The following MEIS2 variants were observed in gnomAD, a reference collection of about 807,000 sequenced individuals.
The protein encoded by MEIS2 is Meis homeobox 2.
In MEIS2, 9 loss-of-function variants were observed where a neutral mutation model predicts 58.6. That is an observed-to-expected ratio of 0.15 (90% CI 0.09 to 0.27). The LOEUF (loss-of-function observed/expected upper bound fraction) is 0.27, where lower values mean the gene tolerates loss of function less well. MEIS2 is among the 10% of genes least tolerant of loss of function. The probability of loss-of-function intolerance (pLI) is 1.00; values close to 1 mark genes in which losing one functional copy is unlikely to be tolerated. For synonymous variants in MEIS2, 221 were observed against 228.4 expected (o/e 0.97, Z 0.29); for missense variants, 427 against 635.0 (o/e 0.67, Z 3.52).
intron 9 of MEIS2, among the ~76,000 whole-genome samples, chr15:36,945,416 G>A (rs112591737): frequency 6.4e-4 from 98 of 152,048 alleles, no homozygotes; most frequent in African/African-American, 2.2e-3. Context: ...CCTACAACAT[G>A]TTTTCACACA....
At chr15:36,975,645 G>A (rs1486760288) in intron 8 of MEIS2, among the ~76,000 whole-genome samples, 1 of 151,964 alleles carries the variant, frequency 6.6e-6, no homozygotes, top group East Asian at 1.9e-4. Context: ...CGAGGTTTTG[G>A]TTTTTGTTTT....
At chr15:37,019,236 G>A (rs983604238) in intron 8 of MEIS2, among the ~76,000 whole-genome samples, 9 of 152,168 alleles carry the variant, frequency 5.9e-5, no homozygotes, top group Non-Finnish European at 1.5e-5. Context: ...GTAGCCTCCT[G>A]TGAATCAAAC....
At chr15:36,971,752 C>T (rs951204590) in intron 8 of MEIS2, among the ~76,000 whole-genome samples, 1 of 151,914 alleles carries the variant, frequency 6.6e-6, no homozygotes, top group East Asian at 1.9e-4. Flanking sequence ...TCAATATTTC[C>T]TTAACAGCCT....
At position 36,937,272 on chromosome 15, in the gene MEIS2, T is replaced by A. The variant is rs2058211939; in HGVS notation, c.977+13052A>T. ...GTCCTCAAAATATCAACGTCTAGAG[T>A]CACTCTAGACAACCTTGACAAATGA... On this transcript the variant is annotated intron_variant, in intron 9 of 11. Coordinates refer to ENST00000561208, the MANE Select transcript of MEIS2 (RefSeq NM_170675.5). Among the ~76,000 whole-genome samples the A allele has an allele frequency of 2.0e-5, 3 of 152,038 alleles. No homozygotes were observed. In the South Asian group the frequency reaches 6.2e-4, roughly 32 times the overall value.
At chr15:36,979,313 T>C (rs1442226504) in intron 8 of MEIS2, among the ~76,000 whole-genome samples, 2 of 152,182 alleles carry the variant, frequency 1.3e-5, no homozygotes, top group Non-Finnish European at 2.9e-5. Context: ...ATTACATATA[T>C]GCATATATTC....
At chr15:36,977,070 G>A (rs1042800001) in intron 8 of MEIS2, among the ~76,000 whole-genome samples, 3 of 152,120 alleles carry the variant, frequency 2.0e-5, no homozygotes, top group Non-Finnish European at 4.4e-5. Flanking sequence ...AGGTTGCAGT[G>A]AGCCACGATT....
At chr15:37,034,162 A>G (rs1473390296) in intron 8 of MEIS2, among the ~76,000 whole-genome samples, 1 of 152,144 alleles carries the variant, frequency 6.6e-6, no homozygotes, top group Non-Finnish European at 1.5e-5. Context: ...TGAGGCTGGG[A>G]CCGGGCATTG....
intron 8 of MEIS2, among the ~76,000 whole-genome samples, chr15:37,000,583 C>T (rs901111899): frequency 2.6e-5 from 4 of 151,998 alleles, no homozygotes; most frequent in South Asian, 4.2e-4. Context: ...CTCTTCGTAT[C>T]GCTAATTGTA....
chr15:36,969,386 A>ACCTT (rs963973601), intron 8 of MEIS2, among the ~76,000 whole-genome samples: 3 of 152,058 alleles, frequency 2.0e-5, no homozygotes, highest in African/African-American at 4.8e-5. Flanking sequence ...CATCTGGAAC[A>ACCTT]CCTTCCTTCC....
chr15:36,991,936 T>A (rs4923732), intron 8 of MEIS2, among the ~76,000 whole-genome samples: 1 of 147,766 alleles, frequency 6.8e-6, no homozygotes, highest in African/African-American at 2.5e-5. Context: ...TACAGGCGCC[T>A]GCCACTACGC....
At chr15:36,975,034 G>A (rs1404702146) in intron 8 of MEIS2, among the ~76,000 whole-genome samples, 1 of 152,148 alleles carries the variant, frequency 6.6e-6, no homozygotes, top group Non-Finnish European at 1.5e-5. Context: ...ATTAATAGCT[G>A]ACATACCTCA....
chr15:37,037,506 CTT>C (rs1200666763), intron 7 of MEIS2, among the ~76,000 whole-genome samples: 5 of 151,810 alleles, frequency 3.3e-5, no homozygotes, highest in Non-Finnish European at 4.4e-5. Flanking sequence ...GACATGAAAA[CTT>C]TTAGCTCTCT....
intron 9 of MEIS2, among the ~76,000 whole-genome samples, chr15:36,924,337 C>T (rs772519536): frequency 1.3e-5 from 2 of 152,226 alleles, no homozygotes; most frequent in African/African-American, 2.4e-5. Flanking sequence ...ACTCCCACCA[C>T]TGTGTGCACG....
chr15:37,000,516 G>A (rs2060683035), intron 8 of MEIS2, among the ~76,000 whole-genome samples: 1 of 152,080 alleles, frequency 6.6e-6, no homozygotes, highest in Non-Finnish European at 1.5e-5. Context: ...ACTTGAAGAT[G>A]ATCTTACTAC....
chr15:37,047,566 G>C (rs1346957733), intron 7 of MEIS2, among the ~76,000 whole-genome samples: 1 of 152,182 alleles, frequency 6.6e-6, no homozygotes, highest in Non-Finnish European at 1.5e-5. Context: ...TTGAAGTTGG[G>C]CTGAGGCTGG....
At chr15:36,907,144 A>G (rs2141254393) in intron 9 of MEIS2, among the ~76,000 whole-genome samples, 2 of 152,366 alleles carry the variant, frequency 1.3e-5, no homozygotes, top group South Asian at 4.2e-4. Flanking sequence ...AAGCAATAGC[A>G]TAAAACAATC....
intron 6 of MEIS2, among the ~76,000 whole-genome samples, chr15:37,089,594 A>G (rs991932815): frequency 6.6e-6 from 1 of 152,202 alleles, no homozygotes; most frequent in Non-Finnish European, 1.5e-5. Context: ...TAGTAGATCC[A>G]GGCAATTTTA....
At chr15:36,969,879 G>A (rs1312389176) in intron 8 of MEIS2, among the ~76,000 whole-genome samples, 1 of 151,482 alleles carries the variant, frequency 6.6e-6, no homozygotes, top group East Asian at 1.9e-4. Flanking sequence ...TAAGACTTGA[G>A]AACAATGTCT....
intron 8 of MEIS2, among the ~76,000 whole-genome samples, chr15:36,969,564 A>G (rs2059463374): frequency 6.6e-6 from 1 of 152,244 alleles, no homozygotes; most frequent in South Asian, 2.1e-4. Context: ...CATACATAGG[A>G]AAATTTGAAA....
Sources: gnomAD v4.1 joint callset for allele counts (sites outside exome capture counted in the v4.1 genomes callset) on GRCh38, gnomAD v4.1.1 for gene constraint, MANE v1.5 for transcripts, NCBI Gene and HGNC (gene_info 2026-07-23, HGNC 2026-07-21) for gene names.